Variants in NOS1 observed in about 807,000 individuals in gnomAD.
NOS1 encodes the protein nitric oxide synthase 1.
In NOS1, 51 loss-of-function variants were observed where a neutral mutation model predicts 164.5. The observed-to-expected ratio is 0.31, with a 90% CI of 0.25 to 0.39. The LOEUF (loss-of-function observed/expected upper bound fraction) is 0.39. Ranked by LOEUF, NOS1 falls within the 10% of genes least tolerant of loss-of-function variation. NOS1 has a pLI of 1.00. For missense variants in NOS1, 1,362 were observed against 1,885.6 expected (o/e 0.72, Z 5.14); for synonymous variants, 719 against 745.8 (o/e 0.96, Z 0.59).
At chr12:117,237,122 G>A (rs1357433535) in intron 20 of NOS1, among the ~76,000 whole-genome samples, 1 of 152,142 alleles carries the variant, frequency 6.6e-6, no homozygotes, top group Non-Finnish European at 1.5e-5. Context: ...CAGTTCTGCT[G>A]AGCTTTGTAA....
chr12:117,348,293 G>T (rs1283746091), intron 1 of NOS1: 2 of 152,154 alleles, frequency 1.3e-5, no homozygotes, highest in Non-Finnish European at 2.9e-5. Flanking sequence ...GAATGTCATG[G>T]TTCAGGATCA....
At chr12:117,295,665 T>C (rs1211697005) in intron 3 of NOS1, among the ~76,000 whole-genome samples, 1 of 144,508 alleles carries the variant, frequency 6.9e-6, no homozygotes, top group Admixed American at 7.5e-5. Context: ...TCGCCCAGGC[T>C]GAAGTGCAGT....
intron 20 of NOS1, among the ~76,000 whole-genome samples, chr12:117,235,500 A>G (rs1869631893): frequency 6.6e-6 from 1 of 152,138 alleles, no homozygotes; most frequent in Admixed American, 6.5e-5. Flanking sequence ...TTTGGCAACC[A>G]GGGTTCCTCG....
chr12:117,296,143 T>C (rs941172507), intron 3 of NOS1, among the ~76,000 whole-genome samples: 3 of 152,196 alleles, frequency 2.0e-5, no homozygotes, highest in South Asian at 2.1e-4. Context: ...GTTTTCTGCC[T>C]ACCCACTGTT....
chr12:117,223,076 C>T (rs1001747291), intron 25 of NOS1, among the ~76,000 whole-genome samples: 4 of 152,036 alleles, frequency 2.6e-5, no homozygotes, highest in Admixed American at 6.6e-5. Flanking sequence ...TACATATGCA[C>T]GCACTGAGGA....
In NOS1 at chr12:117,214,508, G is replaced by A; in HGVS notation, c.*801C>T. On this transcript the variant is annotated 3_prime_UTR_variant, in exon 29 of 29. Coordinates refer to ENST00000317775, the MANE Select transcript of NOS1 (RefSeq NM_000620.5). ...GGGAGGGGATTTGCACAATCCATTG[G>A]ATGGGTTCATGTCACATGAGGGCTC... is the stretch of plus-strand genomic sequence containing the variant. 1.0e-6 allele frequency: 1 copy of A among 985,354 alleles called. No individual in the cohort carries two copies. The highest frequency in any genetic ancestry group is 1.2e-6 in the Non-Finnish European group (1 of 829,942). The allele number at this position is 985,354 out of a possible 1,614,324, so 61.0% of individuals were successfully genotyped here. A position where few individuals can be genotyped will look rare whatever the true frequency, so the allele number is the denominator to read the frequency against.
chr12:117,237,523 T>A (rs1469057070), intron 20 of NOS1, among the ~76,000 whole-genome samples: 1 of 151,974 alleles, frequency 6.6e-6, no homozygotes, highest in South Asian at 2.1e-4. Flanking sequence ...GCAGCAGCCA[T>A]TTGGGCCCTA....
At chr12:117,291,653 C>T (rs1361799362) in intron 3 of NOS1, among the ~76,000 whole-genome samples, 1 of 151,624 alleles carries the variant, frequency 6.6e-6, no homozygotes, top group Non-Finnish European at 1.5e-5. Flanking sequence ...TCCACCTCAC[C>T]CTCCCAAGTA....
intron 1 of NOS1, among the ~76,000 whole-genome samples, chr12:117,351,721 A>C (rs149873291): frequency 2.1e-3 from 318 of 152,362 alleles, no homozygotes; most frequent in African/African-American, 7.2e-3. Flanking sequence ...TAATGCAGTG[A>C]AGTAGAATTA....
chr12:117,336,580 C>A (rs993250219), intron 1 of NOS1, among the ~76,000 whole-genome samples: 2 of 152,038 alleles, frequency 1.3e-5, no homozygotes, highest in Non-Finnish European at 2.9e-5. Flanking sequence ...TCAGAAGTCA[C>A]CACTAAAGAA....
At chr12:117,242,753 C>T (rs1164027329) in intron 19 of NOS1, 48 bp from the exon 20 acceptor site, 2 of 1,558,654 alleles carry the variant, frequency 1.3e-6, no homozygotes, top group Non-Finnish European at 1.8e-6. Context: ...TTGAATGTTC[C>T]ATTAAAAACT....
At chr12:117,248,122 C>T (rs560954537) in intron 17 of NOS1, among the ~76,000 whole-genome samples, 6 of 151,952 alleles carry the variant, frequency 3.9e-5, no homozygotes, top group Non-Finnish European at 5.9e-5. Flanking sequence ...TAGAAAGCAA[C>T]GCTGCTAGCA....
chr12:117,210,356 T>C lies in NOS1; in HGVS notation c.*4953A>G. On this transcript the variant is annotated 3_prime_UTR_variant, in exon 29 of 29. Coordinates refer to ENST00000317775, the MANE Select transcript of NOS1 (RefSeq NM_000620.5). ...ACAGCCAGAGAGTATGAATGGGTTA[T>C]AAAGGAAGACTAGTTAGTGTTTCTC... The C allele has an allele frequency of 1.0e-5, 10 of 985,318 alleles. No individual in the cohort carries two copies. Among genetic ancestry groups the C allele is most frequent in the Non-Finnish European group, 1.2e-5 (10 of 829,918 alleles). The allele number at this position is 985,318 out of a possible 1,614,324, so 61.0% of individuals were successfully genotyped here. A position where few individuals can be genotyped will look rare whatever the true frequency, so the allele number is the denominator to read the frequency against.
chr12:117,275,166 A>G (rs1873083825), intron 9 of NOS1, among the ~76,000 whole-genome samples: 1 of 152,028 alleles, frequency 6.6e-6, no homozygotes, highest in Non-Finnish European at 1.5e-5. Context: ...ATATATATAC[A>G]CCTACTATCT....
At chr12:117,253,186 G>T (rs1023078147) in intron 17 of NOS1, among the ~76,000 whole-genome samples, 3 of 152,176 alleles carry the variant, frequency 2.0e-5, no homozygotes, top group African/African-American at 7.2e-5. Flanking sequence ...AATCTCTGGA[G>T]ATGGGTCTTG....
At chr12:117,328,734 C>T (rs1341737978) in intron 2 of NOS1, among the ~76,000 whole-genome samples, 1 of 152,182 alleles carries the variant, frequency 6.6e-6, no homozygotes, top group Non-Finnish European at 1.5e-5. Context: ...CCAGCTAATC[C>T]CTTTCCTGCT....
Position 117,243,303 on chromosome 12 carries a change from T to G in NOS1, c.2956A>C (p.Thr986Pro). The change falls in exon 19 of 29, where the codon ACA (threonine) becomes CCA (proline). Residue 986 changes from threonine to proline, a missense_variant. Physicochemically the swap from Thr to Pro is conservative, Grantham distance 38. Around this residue, in one of 4 missense-constraint regions of NOS1, gnomAD observed 737 missense variants for 1,030.3 expected, o/e 0.72. Coordinates refer to ENST00000317775, the MANE Select transcript of NOS1 (RefSeq NM_000620.5). The surrounding 1 kb of genome is among the most constrained non-coding windows in gnomAD (Gnocchi z 4.3). ...GAAGGGTGGTGGGAGGTACCTTGTG[T>G]GAGTTCTGGAGCTTCGGCCACAAAG... ...LTFVAEAPEL[T>P]QGLSNVHKKR... 1 of 1,614,106 alleles carries G rather than the reference T, an allele frequency of 6.2e-7. No individual in the cohort carries two copies. Among genetic ancestry groups the G allele is most frequent in the Admixed American group, 1.7e-5 (1 of 60,008 alleles).
chr12:117,265,058 G>T (rs183664488), intron 12 of NOS1, among the ~76,000 whole-genome samples: 1 of 151,788 alleles, frequency 6.6e-6, no homozygotes, highest in African/African-American at 2.4e-5. Flanking sequence ...ATTCCCCAGG[G>T]TGGTCTCAAA....
At position 117,208,872 on chromosome 12, in the gene NOS1, G is replaced by T; in HGVS notation, c.*6437C>A. ...CGAGTAGATGGGATTACAGATGCCC[G>T]CCACCACGCCGGGCTGATTTTTGTA... On this transcript the variant is annotated 3_prime_UTR_variant, in exon 29 of 29. Coordinates refer to ENST00000317775, the MANE Select transcript of NOS1 (RefSeq NM_000620.5). The T allele has an allele frequency of 1.7e-6, 1 of 602,266 alleles. No homozygotes were observed. Among genetic ancestry groups the T allele is most frequent in the Non-Finnish European group, 2.1e-6 (1 of 479,526 alleles). The allele number at this position is 602,266 out of a possible 1,614,324, so 37.3% of individuals were successfully genotyped here.
Sources: gnomAD v4.1 joint callset for allele counts (sites outside exome capture counted in the v4.1 genomes callset) on GRCh38, gnomAD v4.1.1 for gene constraint, gnomAD v4.1.1 regional missense constraint, Gnocchi (gnomAD v3.1) non-coding constraint, MANE v1.5 for transcripts, NCBI Gene and HGNC (gene_info 2026-07-23, HGNC 2026-07-21) for gene names.